The following PDSS1 variants were observed in gnomAD, a reference collection of about 807,000 sequenced individuals.
PDSS1 encodes the protein all trans-polyprenyl-diphosphate synthase PDSS1.
PDSS1 carries 43 observed loss-of-function variants against 57.5 expected under a neutral mutation model. The observed-to-expected ratio is 0.75, with a 90% CI of 0.59 to 0.96. The LOEUF is 0.96. Among genes scored for constraint, PDSS1 ranks in the 50% least tolerant of loss-of-function variants. The pLI is 0.00. For synonymous variants in PDSS1, 175 were observed against 191.3 expected (o/e 0.91, Z 0.70); for missense variants, 438 against 527.8 (o/e 0.83, Z 1.67).
In PDSS1 at chr10:26,746,571, A is replaced by ATCAT; in HGVS notation, c.*100_*103dup. 1 of 1,308,618 alleles carries ATCAT rather than the reference A, an allele frequency of 7.6e-7. No homozygotes were observed. The highest frequency in any genetic ancestry group is 1.1e-6 in the Non-Finnish European group (1 of 911,722). 81.1% of individuals were successfully genotyped at this position (1,308,618 alleles called of 1,614,324 possible). A position where few individuals can be genotyped will look rare whatever the true frequency, so the allele number is the denominator to read the frequency against. On this transcript the variant is annotated 3_prime_UTR_variant, in exon 12 of 12. Transcript: ENST00000376215. ...TTGCTTCATGTGCAGATAACCAAAA[A>ATCAT]TCATTTTAAAAGATATCAAACTTAT...
At chr10:26,733,325 C>T (rs191820192) in intron 8 of PDSS1, among the ~76,000 whole-genome samples, 88 of 152,162 alleles carry the variant, frequency 5.8e-4, no homozygotes, top group African/African-American at 2.0e-3. Flanking sequence ...TAGCTTCTCT[C>T]GAAAGTTTCT....
chr10:26,727,174 T>TAGC (rs1835982841), intron 8 of PDSS1, among the ~76,000 whole-genome samples: 1 of 152,034 alleles, frequency 6.6e-6, no homozygotes, highest in African/African-American at 2.4e-5. Flanking sequence ...CATTTTGTAG[T>TAGC]TTACTAATAA....
At chr10:26,738,470 G>A (rs76147956) in intron 10 of PDSS1, among the ~76,000 whole-genome samples, 3,019 of 152,270 alleles carry the variant, frequency 0.02, 110 homozygotes, top group African/African-American at 0.069. Context: ...ATACCACACA[G>A]GCCTTCCCAC....
intron 1 of PDSS1, among the ~76,000 whole-genome samples, chr10:26,699,902 G>A (rs1054204353): frequency 6.6e-6 from 1 of 152,140 alleles, no homozygotes; most frequent in Non-Finnish European, 1.5e-5. Flanking sequence ...TAGCATTCTG[G>A]TGTCTGCCTC....
Position 26,731,173 on chromosome 10 carries a change from T to C in PDSS1, c.832-4067T>C, listed in dbSNP as rs552779362. Among the ~76,000 whole-genome samples, 76 of 152,262 alleles carry C rather than the reference T, an allele frequency of 5.0e-4. No individual in the cohort carries two copies. The South Asian group carries it at 0.015, about 31-fold the overall frequency. On this transcript the variant is annotated intron_variant, in intron 8 of 11. Coordinates refer to ENST00000376215, the MANE Select transcript of PDSS1 (RefSeq NM_014317.5). The stretch of plus-strand genomic sequence containing the variant: ...CCGGCCAACATGGTGGAACCCCATC[T>C]CTACTAAAAGTACAAAAATTAGCCA...
intron 8 of PDSS1, among the ~76,000 whole-genome samples, chr10:26,726,337 G>A (rs2132275154): frequency 6.6e-6 from 1 of 152,294 alleles, no homozygotes; most frequent in South Asian, 2.1e-4. Context: ...TTTTCATGTG[G>A]TTTATTCCTA....
chr10:26,745,762 G>A (rs560829347), intron 11 of PDSS1, among the ~76,000 whole-genome samples: 6 of 151,844 alleles, frequency 4.0e-5, no homozygotes, highest in Middle Eastern at 3.4e-3. Context: ...CAGGACAATC[G>A]CTTGAGCCCG....
chr10:26,704,821 C>T lies in PDSS1; in HGVS notation c.227+80C>T, dbSNP rs573581897. On this transcript the variant is annotated intron_variant, in intron 3 of 11. Coordinates refer to ENST00000376215, the MANE Select transcript of PDSS1 (RefSeq NM_014317.5). ...GTTGTTTAAAAAATTTTTTTTGTAG[C>T]GATGGGGAGCTCACTGTGTTGCCCA... 6.3e-5 allele frequency: 48 copies of T among 762,878 alleles called. No individual in the cohort carries two copies. In the African/African-American group the frequency reaches 7.0e-4, roughly 11 times the overall value. The allele number at this position is 762,878 out of a possible 1,614,324, so 47.3% of individuals were successfully genotyped here. A position where few individuals can be genotyped will look rare whatever the true frequency, so the allele number is the denominator to read the frequency against.
At chr10:26,705,136 A>G (rs1420676856) in intron 3 of PDSS1, 150 bp from the exon 4 acceptor site, 1 of 658,560 alleles carries the variant, frequency 1.5e-6, no homozygotes, top group Non-Finnish European at 2.8e-6. Flanking sequence ...AGAATTCTGT[A>G]TGTTTTTCCA....
intron 5 of PDSS1, among the ~76,000 whole-genome samples, chr10:26,719,249 T>C (rs1169197487): frequency 6.6e-6 from 1 of 152,218 alleles, no homozygotes; most frequent in South Asian, 2.1e-4. Context: ...AAAATTGCCA[T>C]AGATGATGGT....
intron 8 of PDSS1, among the ~76,000 whole-genome samples, chr10:26,727,075 A>AC (rs1835978406): frequency 6.6e-6 from 1 of 151,776 alleles, no homozygotes; most frequent in African/African-American, 2.4e-5. Context: ...AAAAACAAAC[A>AC]AACCAGAATT....
At chr10:26,735,385 T>G in intron 9 of PDSS1, 65 bp downstream of exon 9, 2 of 1,376,164 alleles carry the variant, frequency 1.5e-6, no homozygotes, top group Non-Finnish European at 2.1e-6. Context: ...TCCCCTAGTG[T>G]GTAATCGTCA....
chr10:26,727,338 CTCTTT>C (rs1835990233), intron 8 of PDSS1, among the ~76,000 whole-genome samples: 6 of 131,866 alleles, frequency 4.6e-5, no homozygotes, highest in Non-Finnish European at 4.9e-5. Context: ...CTCTCTCTCT[CTCTTT>C]TTTTTTTTTT....
At chr10:26,719,846 C>T (rs531129043) in intron 5 of PDSS1, among the ~76,000 whole-genome samples, 7 of 152,288 alleles carry the variant, frequency 4.6e-5, no homozygotes, top group African/African-American at 1.7e-4. Context: ...ATGCTTCTCA[C>T]CTATCTTCCC....
intron 10 of PDSS1, among the ~76,000 whole-genome samples, chr10:26,739,940 T>G (rs1248391803): frequency 6.6e-6 from 1 of 152,068 alleles, no homozygotes; most frequent in Non-Finnish European, 1.5e-5. Flanking sequence ...GGTTAGGAGA[T>G]CAAGACCATC....
In PDSS1 at chr10:26,746,507, C is replaced by T; in HGVS notation, c.*34C>T. On this transcript the variant is annotated 3_prime_UTR_variant, in exon 12 of 12. Transcript: ENST00000376215. ...TCTGTTCTTTCTGGCAGCTATCTTA[C>T]CAGACTGTGCCTAAAGAATTTTGTG... 2 of 1,609,428 alleles carry T rather than the reference C, an allele frequency of 1.2e-6. No homozygotes were observed. Among genetic ancestry groups the T allele is most frequent in the Non-Finnish European group, 1.7e-6 (2 of 1,175,888 alleles).
intron 10 of PDSS1, among the ~76,000 whole-genome samples, chr10:26,740,141 C>CAAAA (rs57093244): frequency 5.1e-5 from 5 of 98,472 alleles, no homozygotes; most frequent in Non-Finnish European, 1.1e-4. Context: ...AACTCCATCT[C>CAAAA]AAAAAAAAAA....
intron 8 of PDSS1, chr10:26,734,626 G>A: frequency 2.2e-6 from 1 of 455,674 alleles, no homozygotes. Context: ...GACCAGTGAA[G>A]TTCCTTCCGA....
intron 10 of PDSS1, among the ~76,000 whole-genome samples, chr10:26,741,186 GTATTT>G (rs1836589848): frequency 6.6e-6 from 1 of 152,054 alleles, no homozygotes; most frequent in Non-Finnish European, 1.5e-5. Context: ...CTAGGCAACT[GTATTT>G]ATACCTCCCC....
Sources: allele counts gnomAD v4.1 joint callset (sites outside exome capture counted in the v4.1 genomes callset), GRCh38; gene constraint gnomAD v4.1.1; transcripts MANE v1.5; gene names NCBI Gene and HGNC (gene_info 2026-07-23, HGNC 2026-07-21).